C14orf39: variants seen among roughly 807,000 people sequenced by gnomAD.
The protein encoded by C14orf39 is chromosome 14 open reading frame 39.
C14orf39 carries 66 observed loss-of-function variants against 85.6 expected under a neutral mutation model. That is an observed-to-expected ratio of 0.77 (90% CI 0.63 to 0.95). The LOEUF (loss-of-function observed/expected upper bound fraction) is 0.95. C14orf39 is among the 40% of genes least tolerant of loss of function. The probability of loss-of-function intolerance (pLI) is 0.00; values close to 1 mark genes in which losing one functional copy is unlikely to be tolerated. For missense variants in C14orf39, 735 were observed against 663.9 expected, an observed-to-expected ratio of 1.11 and a Z score of -1.18; for synonymous variants, 242 against 214.0, an observed-to-expected ratio of 1.13 and a Z score of -1.14.
At chr14:60,503,309 A>T (rs1380024103) in intron 1 of C14orf39, among the ~76,000 whole-genome samples, 2 of 152,224 alleles carry the variant, frequency 1.3e-5, no homozygotes, top group Non-Finnish European at 2.9e-5. Flanking sequence ...GACAAGACCC[A>T]GAAGTGTAAG....
At chr14:60,485,273 C>A (rs1176449156) in intron 1 of C14orf39, among the ~76,000 whole-genome samples, 187 bp from the exon 2 acceptor site, 2 of 152,200 alleles carry the variant, frequency 1.3e-5, no homozygotes, top group African/African-American at 2.4e-5. Flanking sequence ...CCAAGCCCAA[C>A]GAGCGCTTCA....
chr14:60,491,848 C>T lies in C14orf39; in HGVS notation c.-8-6762G>A, dbSNP rs1892994599. 6.6e-6 allele frequency among the ~76,000 whole-genome samples: 1 copy of T among 152,108 alleles called. No individual in the cohort carries two copies. Among genetic ancestry groups the T allele is most frequent in the Admixed American group, 6.5e-5 (1 of 15,270 alleles). Reference sequence around the variant, plus strand: ...TCTCTCTCTCTCTCACACACACACACATCCCTATGTTAAAGCATGTTAATG... The same window carrying T: ...TCTCTCTCTCTCTCACACACACACATATCCCTATGTTAAAGCATGTTAATG... On this transcript the variant is annotated intron_variant, in intron 2 of 5. Transcript: ENST00000556799. The surrounding 1 kb of genome is among the most constrained non-coding windows in gnomAD (Gnocchi z 4.5).
intron 5 of C14orf39, among the ~76,000 whole-genome samples, chr14:60,477,406 T>G (rs765545893): frequency 1.3e-5 from 2 of 152,192 alleles, no homozygotes; most frequent in Non-Finnish European, 1.5e-5. Flanking sequence ...CCAATTATAT[T>G]AAAAATAAAA....
intron 11 of C14orf39, among the ~76,000 whole-genome samples, chr14:60,463,242 TA>T (rs1891610721): frequency 6.6e-6 from 1 of 152,128 alleles, no homozygotes; most frequent in Non-Finnish European, 1.5e-5. Context: ...TCCTTTTCTA[TA>T]AACTGCCTTC....
intron 17 of C14orf39, among the ~76,000 whole-genome samples, chr14:60,441,777 A>G (rs1279612971): frequency 6.6e-6 from 1 of 152,210 alleles, no homozygotes; most frequent in Non-Finnish European, 1.5e-5. Flanking sequence ...CAGAAAAAAG[A>G]TGGAAATAAC....
chr14:60,508,457 G>T (rs929027957), intron 1 of C14orf39, among the ~76,000 whole-genome samples: 16 of 152,020 alleles, frequency 1.1e-4, no homozygotes, highest in African/African-American at 3.9e-4. Context: ...GTCTGACTTC[G>T]TGGTCTGCAT....
chr14:60,449,252 C>G (rs970228750), intron 16 of C14orf39, among the ~76,000 whole-genome samples: 1 of 152,008 alleles, frequency 6.6e-6, no homozygotes, highest in African/African-American at 2.4e-5. Flanking sequence ...CTTCTTCCAC[C>G]GTTTTCATGC....
intron 1 of C14orf39, 65 bp from the exon 2 acceptor site, chr14:60,485,151 C>T: frequency 2.2e-6 from 3 of 1,343,522 alleles, no homozygotes; most frequent in African/African-American, 1.5e-5. Flanking sequence ...GGATATATTT[C>T]GTAACGACCT....
chr14:60,454,620 A>G (rs376702231), intron 16 of C14orf39, among the ~76,000 whole-genome samples: 2 of 152,062 alleles, frequency 1.3e-5, no homozygotes, highest in East Asian at 1.9e-4. Flanking sequence ...AAAATTAACC[A>G]GTGATAATGC....
intron 9 of C14orf39, 81 bp downstream of exon 9, chr14:60,468,364 G>A (rs1296535329): frequency 1.3e-6 from 1 of 746,254 alleles, no homozygotes; most frequent in African/African-American, 1.8e-5. Context: ...AATATTAGTG[G>A]TTTGGGATGG....
intron 10 of C14orf39, 31 bp downstream of exon 10, chr14:60,466,886 G>T (rs1282877944): frequency 2.8e-6 from 4 of 1,443,306 alleles, no homozygotes; most frequent in Non-Finnish European, 3.7e-6. Flanking sequence ...CAAAAAAAAT[G>T]ATGTTTTTGA....
chr14:60,469,307 A>T (rs1891952167), intron 8 of C14orf39, among the ~76,000 whole-genome samples: 1 of 148,032 alleles, frequency 6.8e-6, no homozygotes, highest in Admixed American at 6.8e-5. Context: ...ATATATATTA[A>T]ATTATATACA....
At chr14:60,501,931 C>T (rs935784495) in intron 1 of C14orf39, among the ~76,000 whole-genome samples, 1 of 152,148 alleles carries the variant, frequency 6.6e-6, no homozygotes, top group Non-Finnish European at 1.5e-5. Flanking sequence ...GTGCAAGGAA[C>T]AGTCATTCAT....
chr14:60,467,034 T>C lies in C14orf39; in HGVS notation c.778A>G (p.Lys260Glu). 1 of 1,345,368 alleles carries C rather than the reference T, an allele frequency of 7.4e-7. No individual in the cohort carries two copies. The highest frequency in any genetic ancestry group is 9.8e-7 in the Non-Finnish European group (1 of 1,018,982). 83.3% of individuals were successfully genotyped at this position (1,345,368 alleles called of 1,614,324 possible). The change falls in exon 10 of 18, where the codon AAA becomes GAA. Residue 260 changes from lysine to glutamate, a missense_variant. Lys to Glu is a moderately conservative substitution (Grantham distance 56). Transcript: ENST00000321731. ...TTCAATGTAAGTACATGCTCATCTT[T>C]TCCAAAAATTCTAAAGAGAAAGGTG... ...RKELKERIFG[K>E]DEHVLTLNKT... is the part of the protein sequence containing the mutation.
Position 60,484,863 on chromosome 14 carries a change from T to C in C14orf39, c.106+18A>G, listed in dbSNP as rs1892807211. The C allele has an allele frequency of 1.3e-6, 2 of 1,528,732 alleles. No homozygotes were observed. The highest frequency in any genetic ancestry group is 8.9e-7 in the Non-Finnish European group (1 of 1,118,276). The allele number at this position is 1,528,732 out of a possible 1,614,324, so 94.7% of individuals were successfully genotyped here. On this transcript the variant is annotated intron_variant, in intron 3 of 17. Transcript: ENST00000321731. This position sits in a 1 kb window ranked among gnomAD's most constrained non-coding sequence, Gnocchi z 4.2. ...GAATTAAAAGACTAAAATATCTTGA[T>C]CATGCAAAGCTACTTACTATTAATT...
At chr14:60,462,971 T>G (rs1381954324) in intron 11 of C14orf39, among the ~76,000 whole-genome samples, 2 of 152,132 alleles carry the variant, frequency 1.3e-5, no homozygotes, top group Non-Finnish European at 2.9e-5. Context: ...ATTTCAAATA[T>G]TTCTTTCGAG....
intron 1 of C14orf39, chr14:60,509,268 A>T: frequency 1.2e-6 from 1 of 801,826 alleles, no homozygotes; most frequent in Non-Finnish European, 2.1e-6. Context: ...CACCGCCGCC[A>T]CCCGGTAGTG....
Position 60,484,963 on chromosome 14 carries a change from T to C in C14orf39, c.50-26A>G, listed in dbSNP as rs1467374017. On this transcript the variant is annotated intron_variant, in intron 2 of 17. Coordinates refer to ENST00000321731, the MANE Select transcript of C14orf39 (RefSeq NM_174978.3). The surrounding 1 kb of genome is among the most constrained non-coding windows in gnomAD (Gnocchi z 4.2). ...CTAAAATAAATAATTATCTTGTGAC[T>C]TCAATTCATTGTTAAAATATCAAAT... 1 of 1,579,684 alleles carries C rather than the reference T, an allele frequency of 6.3e-7. No individual in the cohort carries two copies. Among genetic ancestry groups the C allele is most frequent in the East Asian group, 2.2e-5 (1 of 44,644 alleles).
chr14:60,449,658 T>C (rs1890945547), intron 16 of C14orf39, among the ~76,000 whole-genome samples: 1 of 152,146 alleles, frequency 6.6e-6, no homozygotes, highest in Non-Finnish European at 1.5e-5. Flanking sequence ...TTTCAAATAA[T>C]CAACTTTGAC....
Sources: allele counts gnomAD v4.1 joint callset (sites outside exome capture counted in the v4.1 genomes callset), GRCh38; gene constraint gnomAD v4.1.1; non-coding constraint Gnocchi (gnomAD v3.1); transcripts MANE v1.5; gene names NCBI Gene and HGNC (gene_info 2026-07-23, HGNC 2026-07-21).